Variants in CCDC102B observed in about 807,000 individuals in gnomAD.
CCDC102B encodes the protein coiled-coil domain-containing protein 102B.
CCDC102B carries 75 observed loss-of-function variants against 57.4 expected under a neutral mutation model. The ratio of observed to expected loss-of-function variants is 1.31; its 90% CI spans 1.08 to 1.58. The LOEUF (loss-of-function observed/expected upper bound fraction) is 1.58. Ranked by LOEUF, CCDC102B falls within the 40% of genes most tolerant of loss-of-function variation. The probability of loss-of-function intolerance (pLI) is 0.00; values close to 1 mark genes in which losing one functional copy is unlikely to be tolerated. For missense variants in CCDC102B, 636 were observed against 582.6 expected, an observed-to-expected ratio of 1.09 and a Z score of -0.94; for synonymous variants, 206 against 201.9, an observed-to-expected ratio of 1.02 and a Z score of -0.17.
intron 3 of CCDC102B, among the ~76,000 whole-genome samples, chr18:68,843,107 C>T (rs889514163): frequency 2.0e-5 from 3 of 152,178 alleles, no homozygotes; most frequent in Admixed American, 2.0e-4. Context: ...CTGTTTGCAA[C>T]AGCCGAGTGC....
intron 2 of CCDC102B, among the ~76,000 whole-genome samples, chr18:68,787,017 A>C (rs2035238286): frequency 6.6e-6 from 1 of 151,638 alleles, no homozygotes; most frequent in South Asian, 2.1e-4. Context: ...TACCTAATTT[A>C]TTGAGAGTTT....
chr18:68,772,113 TC>T (rs1438865000), intron 2 of CCDC102B, among the ~76,000 whole-genome samples: 1 of 152,150 alleles, frequency 6.6e-6, no homozygotes, highest in Admixed American at 6.6e-5. Flanking sequence ...AGCATCAAAT[TC>T]TTCTCCCATG....
intron 2 of CCDC102B, among the ~76,000 whole-genome samples, chr18:68,791,850 G>A (rs758164685): frequency 1.4e-4 from 22 of 152,168 alleles, no homozygotes; most frequent in Non-Finnish European, 2.5e-4. Context: ...GAACTAAATC[G>A]TAGCCTCATC....
intron 4 of CCDC102B, among the ~76,000 whole-genome samples, chr18:68,870,371 AG>A (rs1168812369): frequency 6.6e-6 from 1 of 152,192 alleles, no homozygotes; most frequent in Non-Finnish European, 1.5e-5. Context: ...TAATAGTAAT[AG>A]AGAAAAGATT....
intron 4 of CCDC102B, among the ~76,000 whole-genome samples, chr18:68,853,749 G>T (rs73967726): frequency 4.2e-5 from 6 of 142,374 alleles, no homozygotes; most frequent in African/African-American, 1.6e-4. Flanking sequence ...ATTCCTTTAG[G>T]TTAACCCCAA....
At chr18:68,828,284 G>T in intron 1 of CCDC102B, among the ~76,000 whole-genome samples, 1 of 124,898 alleles carries the variant, frequency 8.0e-6, no homozygotes, top group South Asian at 2.6e-4. Flanking sequence ...ATATTTTCAA[G>T]TGTCATGTAA....
At chr18:68,956,332 T>TATATATAATATATAAA (rs1425854294) in intron 6 of CCDC102B, among the ~76,000 whole-genome samples, 12 of 54,956 alleles carry the variant, frequency 2.2e-4, no homozygotes, top group African/African-American at 2.7e-4. Flanking sequence ...TTATATATAT[T>TATATATAATATATAAA]ATATATAATA....
chr18:68,881,552 C>T (rs1368643619), intron 5 of CCDC102B, among the ~76,000 whole-genome samples: 1 of 152,040 alleles, frequency 6.6e-6, no homozygotes, highest in Non-Finnish European at 1.5e-5. Flanking sequence ...AAGCAGATTG[C>T]CTTCTCTAAT....
intron 6 of CCDC102B, among the ~76,000 whole-genome samples, chr18:68,944,697 T>A (rs1191504648): frequency 6.6e-6 from 1 of 151,810 alleles, no homozygotes; most frequent in Non-Finnish European, 1.5e-5. Flanking sequence ...TAGCAAATAA[T>A]AATAATAATA....
chr18:68,875,546 T>G (rs117973203), intron 5 of CCDC102B, among the ~76,000 whole-genome samples: 1,592 of 152,154 alleles, frequency 0.01, 21 homozygotes, highest in South Asian at 0.023. Context: ...GAAAACTGAT[T>G]TGTATTAGGT....
At chr18:68,996,400 G>A (rs147399089) in intron 6 of CCDC102B, among the ~76,000 whole-genome samples, 112 of 152,282 alleles carry the variant, frequency 7.4e-4, no homozygotes, top group African/African-American at 2.6e-3. Context: ...TACCTTTGAG[G>A]TTTTGAGACT....
intron 6 of CCDC102B, among the ~76,000 whole-genome samples, chr18:68,963,438 G>A (rs1007499212): frequency 1.3e-5 from 2 of 151,756 alleles, no homozygotes; most frequent in Non-Finnish European, 1.5e-5. Flanking sequence ...GACAAAAAAA[G>A]GCAAATATAT....
chr18:68,914,279 T>A (rs1055442168), intron 6 of CCDC102B, among the ~76,000 whole-genome samples: 5 of 152,140 alleles, frequency 3.3e-5, no homozygotes, highest in African/African-American at 1.2e-4. Context: ...CAAAGACGCA[T>A]GTGCTAGGTG....
At chr18:68,946,259 TTC>T (rs1262460283) in intron 6 of CCDC102B, among the ~76,000 whole-genome samples, 1 of 152,024 alleles carries the variant, frequency 6.6e-6, no homozygotes, top group Non-Finnish European at 1.5e-5. Context: ...GTAGTTTAGT[TTC>T]TGTTTTTTAC....
intron 7 of CCDC102B, among the ~76,000 whole-genome samples, chr18:69,027,754 A>G (rs536561867): frequency 5.7e-4 from 87 of 152,260 alleles, no homozygotes; most frequent in African/African-American, 2.0e-3. Flanking sequence ...TTCCTTGAAC[A>G]GTGCATACGT....
intron 6 of CCDC102B, among the ~76,000 whole-genome samples, chr18:68,957,418 A>G (rs756092962): frequency 8.6e-5 from 13 of 151,922 alleles, no homozygotes; most frequent in Non-Finnish European, 1.5e-4. Context: ...AAATGAGTTC[A>G]TTTTAGAGGT....
At chr18:68,717,493 A>G (rs1390200514) in intron 2 of CCDC102B, among the ~76,000 whole-genome samples, 1 of 152,226 alleles carries the variant, frequency 6.6e-6, no homozygotes. Flanking sequence ...TTATAATTAT[A>G]TACTTGGTTT....
intron 6 of CCDC102B, among the ~76,000 whole-genome samples, chr18:68,956,472 T>TA (rs1555733113): frequency 6.0e-5 from 4 of 66,732 alleles, no homozygotes; most frequent in African/African-American, 3.9e-4. Flanking sequence ...TATATATATA[T>TA]TATATATATA....
chr18:68,750,015 T>A (rs1311042585), intron 2 of CCDC102B, among the ~76,000 whole-genome samples: 2 of 151,798 alleles, frequency 1.3e-5, no homozygotes, highest in Non-Finnish European at 2.9e-5. Flanking sequence ...GGGAAAAAAA[T>A]TTTGCAATCT....
Sources: allele counts gnomAD v4.1 joint callset (sites outside exome capture counted in the v4.1 genomes callset), GRCh38; gene constraint gnomAD v4.1.1; transcripts MANE v1.5; gene names NCBI Gene and HGNC (gene_info 2026-07-23, HGNC 2026-07-21).